Variants in ZNF385D observed in about 807,000 individuals in gnomAD.
The protein encoded by ZNF385D is zinc finger protein 659.
In ZNF385D, 15 loss-of-function variants were observed where a neutral mutation model predicts 35.8. The ratio of observed to expected loss-of-function variants is 0.42; its 90% CI spans 0.28 to 0.64. ZNF385D has a LOEUF of 0.64. Among genes scored for constraint, ZNF385D ranks in the 30% least tolerant of loss-of-function variants. The pLI, the probability that ZNF385D is intolerant of heterozygous loss-of-function variation, is 0.23. For synonymous variants in ZNF385D, 212 were observed against 186.8 expected, an observed-to-expected ratio of 1.13 and a Z score of -1.10; for missense variants, 474 against 494.6, an observed-to-expected ratio of 0.96 and a Z score of 0.39.
chr3:21,775,109 A>G (rs2071234255), intron 3 of ZNF385D, among the ~76,000 whole-genome samples: 1 of 151,932 alleles, frequency 6.6e-6, no homozygotes, highest in Admixed American at 6.6e-5. Flanking sequence ...CAGCTCCATC[A>G]CATAAGGAGT....
chr3:21,990,601 A>G lies in ZNF385D; in HGVS notation c.325+178216T>C, dbSNP rs114932350. Among the ~76,000 whole-genome samples, 1,200 of 152,328 alleles carry G rather than the reference A, an allele frequency of 7.9e-3. 13 individuals are homozygous for G. The highest frequency in any genetic ancestry group is 0.026 in the African/African-American group (1,070 of 41,568). On this transcript the variant is annotated intron_variant, in intron 3 of 5. Transcript: ENST00000494108. Reference sequence around the variant, plus strand: ...TTAATATATGATGTATGTGCTATAAATTATAACTTTCTCTAAATAATAACT... The same window carrying G: ...TTAATATATGATGTATGTGCTATAAGTTATAACTTTCTCTAAATAATAACT...
intron 3 of ZNF385D, among the ~76,000 whole-genome samples, chr3:21,945,073 G>A (rs555791256): frequency 4.6e-5 from 7 of 151,736 alleles, no homozygotes; most frequent in South Asian, 2.1e-4. Context: ...TACTAAATGC[G>A]TATATTCACT....
intron 3 of ZNF385D, among the ~76,000 whole-genome samples, chr3:22,158,076 C>A (rs770620109): frequency 3.3e-5 from 5 of 152,082 alleles, no homozygotes; most frequent in Non-Finnish European, 7.4e-5. Context: ...CCAACAAATT[C>A]ATAGCAGATG....
chr3:21,454,585 T>C (rs1363307055), intron 4 of ZNF385D, among the ~76,000 whole-genome samples: 1 of 152,134 alleles, frequency 6.6e-6, no homozygotes, highest in Non-Finnish European at 1.5e-5. Flanking sequence ...TGATGGGACG[T>C]ATCTCAAAAT....
At chr3:21,778,077 C>T (rs752043638) in intron 3 of ZNF385D, among the ~76,000 whole-genome samples, 1 of 151,840 alleles carries the variant, frequency 6.6e-6, no homozygotes, top group East Asian at 1.9e-4. Context: ...ACAGCAATGG[C>T]AAACTAATAT....
intron 4 of ZNF385D, among the ~76,000 whole-genome samples, chr3:21,506,846 G>A (rs1332146262): frequency 3.3e-5 from 5 of 152,012 alleles, no homozygotes; most frequent in East Asian, 1.9e-4. Context: ...GTTCTTTAAC[G>A]TTAGGAAGTG....
chr3:21,772,006 T>C (rs1207504054), intron 3 of ZNF385D, among the ~76,000 whole-genome samples: 4 of 151,930 alleles, frequency 2.6e-5, no homozygotes, highest in Non-Finnish European at 5.9e-5. Context: ...CAAACAGTTC[T>C]GGGAAAACTG....
chr3:21,656,828 A>G (rs904698072), intron 2 of ZNF385D, among the ~76,000 whole-genome samples: 1 of 151,886 alleles, frequency 6.6e-6, no homozygotes, highest in African/African-American at 2.4e-5. Flanking sequence ...ACTCTAAAAT[A>G]TTCTTTCATT....
At chr3:22,359,571 T>C in intron 2 of ZNF385D, among the ~76,000 whole-genome samples, 1 of 151,848 alleles carries the variant, frequency 6.6e-6, no homozygotes. Flanking sequence ...GGAGCAATCA[T>C]TGTAACTCAT....
intron 3 of ZNF385D, among the ~76,000 whole-genome samples, chr3:22,093,674 T>A (rs757346875): frequency 2.2e-4 from 33 of 152,156 alleles, no homozygotes; most frequent in Non-Finnish European, 2.9e-5. Flanking sequence ...CCCTTTTTCC[T>A]AATTTTTATT....
At chr3:21,795,817 G>C (rs897166981) in intron 3 of ZNF385D, among the ~76,000 whole-genome samples, 1 of 152,180 alleles carries the variant, frequency 6.6e-6, no homozygotes, top group South Asian at 2.1e-4. Flanking sequence ...CTATCAAATA[G>C]CACAGAAGAA....
At chr3:21,903,509 T>C (rs1008709350) in intron 3 of ZNF385D, among the ~76,000 whole-genome samples, 2 of 152,146 alleles carry the variant, frequency 1.3e-5, no homozygotes, top group Non-Finnish European at 2.9e-5. Context: ...TAAACAAGTA[T>C]TGTATGAAAA....
At chr3:22,006,845 A>T (rs978864249) in intron 3 of ZNF385D, among the ~76,000 whole-genome samples, 1 of 152,102 alleles carries the variant, frequency 6.6e-6, no homozygotes, top group South Asian at 2.1e-4. Context: ...TGATAAGTAG[A>T]AACTGATACA....
intron 2 of ZNF385D, among the ~76,000 whole-genome samples, chr3:22,292,197 T>C (rs1047021987): frequency 3.9e-5 from 6 of 152,096 alleles, no homozygotes; most frequent in Admixed American, 6.6e-5. Context: ...TCATAAACTT[T>C]TGAAGACTTC....
chr3:21,648,219 G>A (rs1483855451), intron 2 of ZNF385D, among the ~76,000 whole-genome samples: 1 of 152,088 alleles, frequency 6.6e-6, no homozygotes, highest in Non-Finnish European at 1.5e-5. Context: ...GTGATAGTGA[G>A]TTCTCATGAG....
At chr3:22,048,945 C>A (rs1043162216) in intron 3 of ZNF385D, among the ~76,000 whole-genome samples, 1 of 152,024 alleles carries the variant, frequency 6.6e-6, no homozygotes, top group African/African-American at 2.4e-5. Flanking sequence ...AATTTTTAGT[C>A]TACAGACTAT....
chr3:21,628,506 T>TG (rs1038114530), intron 2 of ZNF385D, among the ~76,000 whole-genome samples: 31 of 139,890 alleles, frequency 2.2e-4, no homozygotes, highest in African/African-American at 7.9e-4. Flanking sequence ...AAAATCTAGA[T>TG]TTTAAAAAAA....
At chr3:21,832,067 C>G (rs1695027613) in intron 3 of ZNF385D, among the ~76,000 whole-genome samples, 1 of 85,316 alleles carries the variant, frequency 1.2e-5, no homozygotes, top group African/African-American at 4.9e-5. Context: ...ATTTTCTAGA[C>G]AATGTTGTTA....
intron 1 of ZNF385D, among the ~76,000 whole-genome samples, chr3:21,704,307 C>G (rs529350216): frequency 6.6e-6 from 1 of 152,042 alleles, no homozygotes; most frequent in Non-Finnish European, 1.5e-5. Flanking sequence ...TTGCTAAGTG[C>G]TGAATTCCAG....
Sources: gnomAD v4.1 joint callset for allele counts (sites outside exome capture counted in the v4.1 genomes callset) on GRCh38, gnomAD v4.1.1 for gene constraint, MANE v1.5 for transcripts, NCBI Gene and HGNC (gene_info 2026-07-23, HGNC 2026-07-21) for gene names.